The following FASTKD1 variants were observed in gnomAD, a reference collection of about 807,000 sequenced individuals.
FASTKD1 encodes the protein FAST kinase domains 1.
A neutral mutation model predicts 90.9 loss-of-function variants in FASTKD1; 94 were observed. The ratio of observed to expected loss-of-function variants is 1.03; its 90% CI spans 0.88 to 1.23. FASTKD1 has a LOEUF of 1.23. FASTKD1 is among the 50% of genes most tolerant of loss of function. The pLI is 0.00. For missense variants in FASTKD1, 945 were observed against 993.5 expected, an observed-to-expected ratio of 0.95 and a Z score of 0.66; for synonymous variants, 319 against 345.8, an observed-to-expected ratio of 0.92 and a Z score of 0.86.
At chr2:169,558,822 C>T (rs1683450181) in intron 5 of FASTKD1, among the ~76,000 whole-genome samples, 1 of 151,972 alleles carries the variant, frequency 6.6e-6, no homozygotes, top group Admixed American at 6.6e-5. Context: ...CTCCCGACTT[C>T]AAGTGATCTG....
At chr2:169,567,494 T>C (rs1014698853) in intron 3 of FASTKD1, among the ~76,000 whole-genome samples, 1 of 152,180 alleles carries the variant, frequency 6.6e-6, no homozygotes, top group Admixed American at 6.5e-5. Flanking sequence ...GTTTAGCTAA[T>C]AAGATTAACT....
chr2:169,543,196 G>A (rs1272318728), intron 9 of FASTKD1, among the ~76,000 whole-genome samples: 1 of 152,152 alleles, frequency 6.6e-6, no homozygotes, highest in African/African-American at 2.4e-5. Context: ...AGGCACGGTG[G>A]CTCACATCTG....
rs945404503 is a variant in FASTKD1 at position 169,555,221 on chromosome 2, A to G, written c.1117T>C (p.Tyr373His). The G allele has an allele frequency of 3.0e-5, 49 of 1,611,404 alleles. No individual in the cohort carries two copies. The highest frequency in any genetic ancestry group is 3.6e-5 in the Non-Finnish European group (43 of 1,178,610). ...TSVLHKHLDG[Y>H]KPLELLKITQ... ...ATCTTCAACAACTCTAATGGTTTAT[A>G]GCCATCCAAATGTTTATGCAGAACT... The change falls in exon 7 of 15, where the codon TAT (tyrosine) becomes CAT (histidine). Residue 373 changes from tyrosine to histidine, a missense_variant. Physicochemically the swap from Tyr to His is moderately conservative, Grantham distance 83. Transcript: ENST00000453153.
At chr2:169,568,319 C>T (rs1228401725) in intron 3 of FASTKD1, among the ~76,000 whole-genome samples, 1 of 151,726 alleles carries the variant, frequency 6.6e-6, no homozygotes, top group Admixed American at 6.6e-5. Context: ...TTATTGATAG[C>T]CAATTAATCA....
intron 10 of FASTKD1, among the ~76,000 whole-genome samples, chr2:169,539,768 C>T (rs1045159640): frequency 6.6e-5 from 10 of 151,298 alleles, no homozygotes; most frequent in African/African-American, 2.2e-4. Flanking sequence ...TGTCTCAAAA[C>T]AAAACAAAAA....
In FASTKD1 at chr2:169,572,152, C is replaced by T. The variant is rs957515184; in HGVS notation, c.-123G>A. On this transcript the variant is annotated 5_prime_UTR_variant, in exon 2 of 15. Transcript: ENST00000453153. ...TTGCTTCCATTACAATGACTGTAAA[C>T]GCATTCCAATGTACAGCTTCTATAA... is the stretch of plus-strand genomic sequence containing the variant. The T allele has an allele frequency of 3.6e-5, 42 of 1,158,568 alleles. No individual in the cohort carries two copies. The highest frequency in any genetic ancestry group is 2.0e-4 in the African/African-American group (13 of 64,312). The allele number at this position is 1,158,568 out of a possible 1,614,324, so 71.8% of individuals were successfully genotyped here. A position where few individuals can be genotyped will look rare whatever the true frequency, so the allele number is the denominator to read the frequency against.
chr2:169,563,408 A>G (rs1286958396), intron 3 of FASTKD1, 58 bp from the exon 4 acceptor site: 4 of 1,206,910 alleles, frequency 3.3e-6, no homozygotes, highest in Non-Finnish European at 4.5e-6. Context: ...TAAAACACAT[A>G]ATATATAGTT....
At chr2:169,541,512 T>C (rs115564434) in intron 9 of FASTKD1, among the ~76,000 whole-genome samples, 22 of 152,324 alleles carry the variant, frequency 1.4e-4, no homozygotes, top group Non-Finnish European at 2.2e-4. Context: ...TATACATATA[T>C]ACATACATAT....
In FASTKD1 at chr2:169,529,929, G is replaced by C. The variant is rs754186455; in HGVS notation, c.2443-3C>G. On this transcript the variant is annotated splice_region_variant and splice_polypyrimidine_tract_variant and intron_variant, in intron 14 of 14. Coordinates refer to ENST00000453153, the MANE Select transcript of FASTKD1 (RefSeq NM_024622.6). ...GAGTTCCATTCAAACTGGGAAATCT[G>C]AAAATAAGTAATGTTGTTTGAATGA... 4 of 1,597,866 alleles carry C rather than the reference G, an allele frequency of 2.5e-6. No homozygotes were observed.
At chr2:169,544,666 G>T in intron 9 of FASTKD1, 55 bp downstream of exon 9, 1 of 950,256 alleles carries the variant, frequency 1.1e-6, no homozygotes, top group Non-Finnish European at 1.7e-6. Context: ...TAGCTCAGCA[G>T]CAACAAGTAT....
At chr2:169,571,612 C>A in intron 2 of FASTKD1, 41 bp downstream of exon 2, 1 of 1,222,572 alleles carries the variant, frequency 8.2e-7, no homozygotes, top group South Asian at 1.5e-5. Context: ...AAAATGTAAA[C>A]TATATAATCA....
chr2:169,539,042 C>T (rs1684852537), intron 10 of FASTKD1, among the ~76,000 whole-genome samples: 1 of 151,106 alleles, frequency 6.6e-6, no homozygotes. Flanking sequence ...CCAAGGTGGG[C>T]AGATCACTTG....
intron 3 of FASTKD1, among the ~76,000 whole-genome samples, chr2:169,563,709 C>G (rs1683821413): frequency 6.6e-6 from 1 of 151,562 alleles, no homozygotes; most frequent in Non-Finnish European, 1.5e-5. Context: ...AATGGCAAGA[C>G]AAAAGAGAGG....
In FASTKD1 at chr2:169,562,049, AATTATTTATTAATTT is replaced by A. The variant is rs1683703751; in HGVS notation, c.572+1161_572+1175del. Among the ~76,000 whole-genome samples, 2 of 130,428 alleles carry A rather than the reference AATTATTTATTAATTT, an allele frequency of 1.5e-5. 1 individual carries two copies. The highest frequency in any genetic ancestry group is 3.2e-5 in the Non-Finnish European group (2 of 62,432). The allele number at this position is 130,428 out of a possible 152,430, so 85.6% of individuals were successfully genotyped here. On this transcript the variant is annotated intron_variant, in intron 4 of 14. Coordinates refer to ENST00000453153, the MANE Select transcript of FASTKD1 (RefSeq NM_024622.6). The stretch of plus-strand genomic sequence containing the variant: ...ATTATTTATTAATTTATTGTAAATT[AATTATTTATTAATTT>A]ATTGTAAAATAATTATTTATTAATT...
At chr2:169,565,771 T>C (rs1683947520) in intron 3 of FASTKD1, among the ~76,000 whole-genome samples, 1 of 152,204 alleles carries the variant, frequency 6.6e-6, no homozygotes, top group Admixed American at 6.5e-5. Context: ...TCCAAACTGT[T>C]CTCCATAGAG....
chr2:169,535,913 T>C (rs186984985), intron 12 of FASTKD1, among the ~76,000 whole-genome samples: 4 of 152,296 alleles, frequency 2.6e-5, no homozygotes, highest in Admixed American at 6.5e-5. Flanking sequence ...CCTTCAAACA[T>C]TTTAAAACAT....
intron 9 of FASTKD1, among the ~76,000 whole-genome samples, chr2:169,541,684 A>G (rs1178750467): frequency 1.3e-5 from 2 of 152,176 alleles, no homozygotes; most frequent in Non-Finnish European, 1.5e-5. Flanking sequence ...AGAGGTCTAA[A>G]GATCTATATA....
chr2:169,541,294 T>C (rs1483356626), intron 9 of FASTKD1, among the ~76,000 whole-genome samples: 1 of 152,218 alleles, frequency 6.6e-6, no homozygotes, highest in Middle Eastern at 3.2e-3. Context: ...TCTTTCCTTA[T>C]ACTCTTTAGC....
At position 169,560,740 on chromosome 2, in the gene FASTKD1, T is replaced by G; in HGVS notation, c.618A>C (p.Arg206=). The part of the protein sequence containing the change: ...LMVNISSLIS[R]HFQQQLVNKT... ...TGTTCACCAGTTGTTGTTGAAAATG[T>G]CGTGATATTAAAGAAGATATGTTGA... The change falls in exon 5 of 15, where the codon CGA becomes CGC. Residue 206 remains arginine, a synonymous_variant. Transcript: ENST00000453153. 2 of 1,596,762 alleles carry G rather than the reference T, an allele frequency of 1.3e-6. No individual in the cohort carries two copies. The highest frequency in any genetic ancestry group is 1.7e-6 in the Non-Finnish European group (2 of 1,173,728).
Sources: gnomAD v4.1 joint callset for allele counts (sites outside exome capture counted in the v4.1 genomes callset) on GRCh38, gnomAD v4.1.1 for gene constraint, MANE v1.5 for transcripts, NCBI Gene and HGNC (gene_info 2026-07-23, HGNC 2026-07-21) for gene names.